SRD5A2: variants seen among roughly 807,000 people sequenced by gnomAD.
The protein encoded by SRD5A2 is steroid 5 alpha-reductase 2.
A neutral mutation model predicts 27.4 loss-of-function variants in SRD5A2; 30 were observed. That is an observed-to-expected ratio of 1.10 (90% CI 0.82 to 1.49). The LOEUF (loss-of-function observed/expected upper bound fraction) is 1.49, where lower values mean the gene tolerates loss of function less well. Ranked by LOEUF, SRD5A2 falls within the 40% of genes most tolerant of loss-of-function variation. The probability of loss-of-function intolerance (pLI) is 0.00; values close to 1 mark genes in which losing one functional copy is unlikely to be tolerated. For synonymous variants in SRD5A2, 141 were observed against 133.6 expected (o/e 1.06, Z -0.38); for missense variants, 348 against 323.4 (o/e 1.08, Z -0.58).
At chr2:31,551,565 A>T (rs1666381209) in intron 1 of SRD5A2, among the ~76,000 whole-genome samples, 1 of 150,242 alleles carries the variant, frequency 6.7e-6, no homozygotes, top group Non-Finnish European at 1.5e-5. Flanking sequence ...TGAATATGTC[A>T]TGCAATTTAT....
chr2:31,530,067 T>C lies in SRD5A2; in HGVS notation c.548-610A>G, dbSNP rs545612406. On this transcript the variant is annotated intron_variant, in intron 3 of 4. Coordinates refer to ENST00000622030, the MANE Select transcript of SRD5A2 (RefSeq NM_000348.4). ...GGCTTCTAGATTTTAAATGTTTCAT[T>C]TTCTATCCAACCAGGTATTTCTTCT... 1.3e-4 allele frequency among the ~76,000 whole-genome samples: 20 copies of C among 152,278 alleles called. No individual in the cohort carries two copies. In the South Asian group the frequency reaches 3.9e-3, roughly 30 times the overall value.
rs556924423 is a variant in SRD5A2, at chr2:31,568,028, G to A, written c.281+12592C>T. 3.3e-5 allele frequency among the ~76,000 whole-genome samples: 5 copies of A among 152,312 alleles called. No homozygotes were observed. In the South Asian group the frequency reaches 1.0e-3, roughly 32 times the overall value. ...GCAAGGCAAGCAGCTCCAGATGACA[G>A]CATAAGTGCCGGCTCCATGTGAGGC... On this transcript the variant is annotated intron_variant, in intron 1 of 4. Transcript: ENST00000622030.
the SRD5A2 span, among the ~76,000 whole-genome samples, chr2:31,599,221 T>A: frequency 6.6e-6 from 1 of 152,010 alleles, no homozygotes; most frequent in Non-Finnish European, 1.5e-5. Context: ...CTGGAGACTT[T>A]AGCACCCCAC....
At chr2:31,623,103 G>T in the SRD5A2 span, among the ~76,000 whole-genome samples, 1 of 152,094 alleles carries the variant, frequency 6.6e-6, no homozygotes, top group African/African-American at 2.4e-5. Flanking sequence ...CATCTTCAAA[G>T]CTCTCGTCTC....
At chr2:31,581,511 C>T (rs1268142282), upstream of SRD5A2, among the ~76,000 whole-genome samples, 1 of 152,172 alleles carries the variant, frequency 6.6e-6, no homozygotes, top group East Asian at 1.9e-4. Flanking sequence ...GCATCAGTGC[C>T]AGCTCTGCCC....
At chr2:31,642,015 C>G in the SRD5A2 span, among the ~76,000 whole-genome samples, 16 of 151,782 alleles carry the variant, frequency 1.1e-4, no homozygotes, top group African/African-American at 3.9e-4. Context: ...AAAAAGATAT[C>G]ACAATAAAGG....
chr2:31,616,627 T>C, the SRD5A2 span, among the ~76,000 whole-genome samples: 3 of 152,246 alleles, frequency 2.0e-5, no homozygotes, highest in Non-Finnish European at 4.4e-5. Flanking sequence ...ATGGCTGTAT[T>C]TACCCAATGC....
chr2:31,539,230 A>G (rs1292795118), intron 1 of SRD5A2, among the ~76,000 whole-genome samples: 1 of 152,184 alleles, frequency 6.6e-6, no homozygotes, highest in Non-Finnish European at 1.5e-5. Flanking sequence ...GTGTTCCTGG[A>G]TTTTCATTTT....
the SRD5A2 span, among the ~76,000 whole-genome samples, chr2:31,606,118 T>A: frequency 1.3e-5 from 2 of 151,874 alleles, no homozygotes; most frequent in East Asian, 3.9e-4. Flanking sequence ...CTCATGGAGA[T>A]AAACAGTAGA....
At chr2:31,578,943 A>G (rs966154036) in intron 1 of SRD5A2, among the ~76,000 whole-genome samples, 2 of 152,262 alleles carry the variant, frequency 1.3e-5, no homozygotes, top group African/African-American at 4.8e-5. Context: ...AACATACAGT[A>G]GTTAATTTGA....
At chr2:31,617,599 T>C in the SRD5A2 span, among the ~76,000 whole-genome samples, 1 of 152,238 alleles carries the variant, frequency 6.6e-6, no homozygotes, top group African/African-American at 2.4e-5. Flanking sequence ...GCTTCACTGC[T>C]TAGAAATTTA....
chr2:31,627,956 G>A, the SRD5A2 span, among the ~76,000 whole-genome samples: 1 of 152,038 alleles, frequency 6.6e-6, no homozygotes, highest in African/African-American at 2.4e-5. Context: ...TCTGTTGTTT[G>A]GGGGTGGAGA....
At chr2:31,551,987 T>C in intron 1 of SRD5A2, among the ~76,000 whole-genome samples, 1 of 151,914 alleles carries the variant, frequency 6.6e-6, no homozygotes, top group East Asian at 1.9e-4. Context: ...GATCTAGGAC[T>C]AAGCAAAGAG....
chr2:31,580,455 G>A (rs1667048787), intron 1 of SRD5A2, among the ~76,000 whole-genome samples, 165 bp downstream of exon 1: 3 of 152,202 alleles, frequency 2.0e-5, no homozygotes, highest in South Asian at 2.1e-4. Flanking sequence ...TCCAAGCCCC[G>A]GCCCCGGCCC....
chr2:31,625,170 G>A, the SRD5A2 span, among the ~76,000 whole-genome samples: 6 of 152,170 alleles, frequency 3.9e-5, no homozygotes, highest in Non-Finnish European at 1.5e-5. Context: ...TTTGAGAAGT[G>A]TCTGTTCATA....
the SRD5A2 span, among the ~76,000 whole-genome samples, chr2:31,632,451 G>A: frequency 2.0e-5 from 3 of 152,230 alleles, no homozygotes; most frequent in African/African-American, 7.2e-5. Flanking sequence ...TGCCCCAGGG[G>A]ACGAAGGTCC....
chr2:31,614,260 A>C, the SRD5A2 span, among the ~76,000 whole-genome samples: 1 of 152,228 alleles, frequency 6.6e-6, no homozygotes, highest in East Asian at 1.9e-4. Flanking sequence ...AAATACACTC[A>C]TTCCAAATGG....
At chr2:31,632,047 G>A in the SRD5A2 span, among the ~76,000 whole-genome samples, 2 of 152,012 alleles carry the variant, frequency 1.3e-5, no homozygotes, top group African/African-American at 4.8e-5. Flanking sequence ...TCTCTCACCT[G>A]ACTCTATTGA....
At chr2:31,579,037 C>G (rs1053596816) in intron 1 of SRD5A2, among the ~76,000 whole-genome samples, 6 of 152,190 alleles carry the variant, frequency 3.9e-5, no homozygotes, top group African/African-American at 1.4e-4. Context: ...AATCTCTTAT[C>G]TCCTGTATCC....
Sources: gnomAD v4.1 joint callset for allele counts (sites outside exome capture counted in the v4.1 genomes callset) on GRCh38, gnomAD v4.1.1 for gene constraint, MANE v1.5 for transcripts, NCBI Gene and HGNC (gene_info 2026-07-23, HGNC 2026-07-21) for gene names.